The following FSD1L variants were observed in gnomAD, a reference collection of about 807,000 sequenced individuals.
The protein encoded by FSD1L is fibronectin type III and SPRY domain containing 1 like.
A neutral mutation model predicts 71.6 loss-of-function variants in FSD1L; 45 were observed. That is an observed-to-expected ratio of 0.63 (90% CI 0.49 to 0.81). The LOEUF (loss-of-function observed/expected upper bound fraction) is 0.81. Ranked by LOEUF, FSD1L falls within the 30% of genes least tolerant of loss-of-function variation. The pLI, the probability that FSD1L is intolerant of heterozygous loss-of-function variation, is 0.00. For synonymous variants in FSD1L, 197 were observed against 207.2 expected (o/e 0.95, Z 0.42); for missense variants, 561 against 618.1 (o/e 0.91, Z 0.98).
chr9:105,540,723 G>A (rs979897712), intron 13 of FSD1L, among the ~76,000 whole-genome samples: 7 of 152,108 alleles, frequency 4.6e-5, no homozygotes, highest in African/African-American at 1.7e-4. Context: ...TGTGTGCTAT[G>A]CTGAATATAT....
chr9:105,491,593 G>A (rs1206710364), intron 7 of FSD1L, among the ~76,000 whole-genome samples: 10 of 152,056 alleles, frequency 6.6e-5, no homozygotes, highest in African/African-American at 2.4e-4. Context: ...CAAAGGGAAT[G>A]CTTCCAGTTT....
At chr9:105,478,714 A>G (rs1831976538) in intron 5 of FSD1L, among the ~76,000 whole-genome samples, 1 of 152,096 alleles carries the variant, frequency 6.6e-6, no homozygotes, top group South Asian at 2.1e-4. Context: ...TTAAGTTGGT[A>G]GCATGTATGA....
chr9:105,449,738 T>A (rs1241463204), intron 1 of FSD1L, among the ~76,000 whole-genome samples: 2 of 152,124 alleles, frequency 1.3e-5, no homozygotes, highest in East Asian at 3.8e-4. Flanking sequence ...TTAATATTGA[T>A]CATCATACTT....
chr9:105,491,979 G>C (rs1008372639), intron 7 of FSD1L, among the ~76,000 whole-genome samples: 34 of 152,070 alleles, frequency 2.2e-4, no homozygotes, highest in Admixed American at 1.0e-3. Context: ...TTGTGTCTCT[G>C]CCCGGCTTTG....
At chr9:105,545,002 A>G (rs1174548110) in intron 13 of FSD1L, among the ~76,000 whole-genome samples, 4 of 152,182 alleles carry the variant, frequency 2.6e-5, no homozygotes, top group South Asian at 2.1e-4. Flanking sequence ...CATTAAATCT[A>G]TAAATTACCT....
At chr9:105,447,338 A>AG (rs1829686487), upstream of FSD1L, among the ~76,000 whole-genome samples, 2 of 151,432 alleles carry the variant, frequency 1.3e-5, no homozygotes, top group South Asian at 4.2e-4. Context: ...AAAAAAAAAA[A>AG]AAAAAAAAAA....
intron 7 of FSD1L, among the ~76,000 whole-genome samples, chr9:105,494,378 T>C (rs897508147): frequency 3.9e-5 from 6 of 152,106 alleles, no homozygotes; most frequent in African/African-American, 1.4e-4. Flanking sequence ...TTCTCTGTAT[T>C]GGTTATTCTA....
intron 2 of FSD1L, among the ~76,000 whole-genome samples, chr9:105,461,946 G>C (rs1830726037): frequency 6.8e-6 from 1 of 147,386 alleles, no homozygotes; most frequent in African/African-American, 2.5e-5. Flanking sequence ...CCACCTGTGT[G>C]ACAGAGCCTC....
intron 10 of FSD1L, chr9:105,525,980 C>T (rs1835482680): frequency 6.4e-7 from 1 of 1,570,492 alleles, no homozygotes; most frequent in Non-Finnish European, 8.8e-7. Context: ...ATTGTTTGGT[C>T]AGAGCATACT....
At chr9:105,533,001 A>G (rs1835994486) in intron 10 of FSD1L, among the ~76,000 whole-genome samples, 1 of 152,174 alleles carries the variant, frequency 6.6e-6, no homozygotes, top group East Asian at 1.9e-4. Context: ...TTGCTTTGCC[A>G]TCAGGGATTT....
chr9:105,543,860 C>A (rs1213886428), intron 13 of FSD1L, among the ~76,000 whole-genome samples: 3 of 152,142 alleles, frequency 2.0e-5, no homozygotes, highest in African/African-American at 7.2e-5. Context: ...GGTTCCAAGT[C>A]TTTGCTATTG....
chr9:105,512,927 A>AGGG lies in FSD1L; in HGVS notation c.1016_1017insGGG (p.Asn339delinsLysGly), dbSNP rs1368865563. 1 of 1,535,704 alleles carries AGGG rather than the reference A, an allele frequency of 6.5e-7. No individual in the cohort carries two copies. The highest frequency in any genetic ancestry group is 2.1e-5 in the Admixed American group (1 of 47,670). ...GAAAGTAAAATTAAAGGAAAAGAGA[A>AGGG]CAAGGGCAGGTAAGCTAGACCATTA... On this transcript the variant is annotated protein_altering_variant, in exon 10 of 14. Transcript: ENST00000481272.
chr9:105,446,190 A>G (rs532881674), upstream of FSD1L, among the ~76,000 whole-genome samples: 2 of 152,260 alleles, frequency 1.3e-5, no homozygotes, highest in African/African-American at 4.8e-5. Flanking sequence ...TCTCAAACAC[A>G]GAGCTCCTTC....
Position 105,506,388 on chromosome 9 carries a change from C to G in FSD1L, c.587-11C>G, listed in dbSNP as rs774052404. 2 of 1,350,856 alleles carry G rather than the reference C, an allele frequency of 1.5e-6. No individual in the cohort carries two copies. The allele number at this position is 1,350,856 out of a possible 1,614,324, so 83.7% of individuals were successfully genotyped here. A position where few individuals can be genotyped will look rare whatever the true frequency, so the allele number is the denominator to read the frequency against. On this transcript the variant is annotated splice_polypyrimidine_tract_variant and intron_variant, in intron 7 of 13. Coordinates refer to ENST00000481272, the MANE Select transcript of FSD1L (RefSeq NM_001145313.3). ...GAATGAATGAGTCTTTTTTTTTTTT[C>G]TTCTTTGCAGTCCCCAAAGCTCCAG...
At chr9:105,497,817 C>G (rs1374468170) in intron 7 of FSD1L, among the ~76,000 whole-genome samples, 1 of 151,894 alleles carries the variant, frequency 6.6e-6, no homozygotes, top group Non-Finnish European at 1.5e-5. Flanking sequence ...TCCCTCTTTT[C>G]AGTTTCATTG....
At chr9:105,480,418 A>G (rs983239864) in intron 6 of FSD1L, among the ~76,000 whole-genome samples, 1 of 151,324 alleles carries the variant, frequency 6.6e-6, no homozygotes, top group Non-Finnish European at 1.5e-5. Flanking sequence ...CATCCTCCTG[A>G]ATAGGTGGGA....
At chr9:105,449,266 A>G (rs924423479) in intron 1 of FSD1L, among the ~76,000 whole-genome samples, 5 of 152,238 alleles carry the variant, frequency 3.3e-5, no homozygotes, top group African/African-American at 1.2e-4. Flanking sequence ...AGCATTGACT[A>G]TTACAGTATT....
Position 105,495,887 on chromosome 9 carries a change from G to C in FSD1L, c.587-10512G>C, listed in dbSNP as rs184138770. ...CTCCTCGGGAGGCTGAGGCAGAATG[G>C]CATGAACCCGGGAGGCGGAGCTTGC... On this transcript the variant is annotated intron_variant, in intron 7 of 13. Transcript: ENST00000481272. 9.2e-3 allele frequency among the ~76,000 whole-genome samples: 1,394 copies of C among 151,800 alleles called. 21 individuals carry two copies. Among genetic ancestry groups the C allele is most frequent in the African/African-American group, 0.032 (1,334 of 41,396 alleles).
At chr9:105,520,085 C>CGGCTGT (rs967204053) in intron 10 of FSD1L, 110 of 1,569,138 alleles carry the variant, frequency 7.0e-5, no homozygotes, top group Non-Finnish European at 8.6e-5. Flanking sequence ...CGCTGGGAGC[C>CGGCTGT]GGCTGTGGCA....
Sources: gnomAD v4.1 joint callset for allele counts (sites outside exome capture counted in the v4.1 genomes callset) on GRCh38, gnomAD v4.1.1 for gene constraint, MANE v1.5 for transcripts, NCBI Gene and HGNC (gene_info 2026-07-23, HGNC 2026-07-21) for gene names.